The following VWC2 variants were observed in gnomAD, a reference collection of about 807,000 sequenced individuals.
VWC2 encodes von Willebrand factor C domain containing 2.
Under a neutral mutation model 29.8 loss-of-function variants are expected in VWC2, and 14 were observed. That is an observed-to-expected ratio of 0.47 (90% CI 0.31 to 0.74). VWC2 has a LOEUF of 0.74. VWC2 is among the 30% of genes least tolerant of loss of function. The pLI is 0.05. For synonymous variants in VWC2, 213 were observed against 199.0 expected, an observed-to-expected ratio of 1.07 and a Z score of -0.59; for missense variants, 457 against 459.8, an observed-to-expected ratio of 0.99 and a Z score of 0.05.
intron 3 of VWC2, among the ~76,000 whole-genome samples, chr7:49,814,519 G>T (rs1386773170): frequency 6.6e-6 from 1 of 151,992 alleles, no homozygotes; most frequent in Non-Finnish European, 1.5e-5. Flanking sequence ...CAAGCACTGG[G>T]GCAGAATCTT....
At chr7:49,854,011 A>G (rs1307652608) in intron 3 of VWC2, among the ~76,000 whole-genome samples, 1 of 152,002 alleles carries the variant, frequency 6.6e-6, no homozygotes, top group Non-Finnish European at 1.5e-5. Context: ...GATGGTTTCC[A>G]GCTTCATCCA....
rs536880676 is a variant in VWC2 at position 49,892,031 on chromosome 7, ATTTTTTTTTTTTT to A, written c.827-19984_827-19972del. ...GCAGTTGGCAGAACAGACAAAGTAG[ATTTTTTTTTTTTT>A]TTTTTTTTTTTTTTTTTTGAGACGG... On this transcript the variant is annotated intron_variant, in intron 3 of 3. Coordinates refer to ENST00000340652, the MANE Select transcript of VWC2 (RefSeq NM_198570.5). Among the ~76,000 whole-genome samples, 171 of 53,300 alleles carry A rather than the reference ATTTTTTTTTTTTT, an allele frequency of 3.2e-3. 2 individuals carry two copies. Among genetic ancestry groups the A allele is most frequent in the South Asian group, 5.3e-3 (4 of 750 alleles). 35.0% of individuals were successfully genotyped at this position (53,300 alleles called of 152,430 possible).
intron 3 of VWC2, among the ~76,000 whole-genome samples, chr7:49,833,147 G>A (rs141027172): frequency 4.7e-4 from 71 of 152,330 alleles, no homozygotes; most frequent in Non-Finnish European, 8.8e-4. Context: ...ACTGCAGGGC[G>A]TTTAGTGTCA....
rs2128747448 is a variant in VWC2, at chr7:49,921,909, T to C, written c.*9724T>C. ...TTGTATGTATTGTTGGATGGGTATG[T>C]GTATTGACCTGATTTATAAAATAAA... On this transcript the variant is annotated 3_prime_UTR_variant, in exon 4 of 4. Transcript: ENST00000340652. 6.6e-6 allele frequency: 1 copy of C among 152,302 alleles called. No homozygotes were observed. Among genetic ancestry groups the C allele is most frequent in the Non-Finnish European group, 1.5e-5 (1 of 68,012 alleles). The allele number at this position is 152,302 out of a possible 1,614,324, so 9.4% of individuals were successfully genotyped here.
intron 3 of VWC2, among the ~76,000 whole-genome samples, chr7:49,852,870 T>C (rs1790239830): frequency 6.6e-6 from 1 of 152,190 alleles, no homozygotes; most frequent in South Asian, 2.1e-4. Flanking sequence ...CAGTTGCAGA[T>C]GGAAACTGGC....
intron 2 of VWC2, among the ~76,000 whole-genome samples, chr7:49,789,352 G>T (rs13438665): frequency 8.7e-5 from 13 of 149,544 alleles, no homozygotes; most frequent in Admixed American, 2.0e-4. Context: ...TGTATATGTG[G>T]CTGTGTGTGT....
intron 2 of VWC2, among the ~76,000 whole-genome samples, chr7:49,777,731 T>C (rs1336380694): frequency 6.6e-6 from 1 of 152,008 alleles, no homozygotes; most frequent in Non-Finnish European, 1.5e-5. Flanking sequence ...TACGGGAGGG[T>C]CTGGTAGATA....
At chr7:49,834,050 C>A (rs1220496001) in intron 3 of VWC2, among the ~76,000 whole-genome samples, 1 of 152,148 alleles carries the variant, frequency 6.6e-6, no homozygotes, top group Non-Finnish European at 1.5e-5. Context: ...TGATTTCATA[C>A]CATGGGAAGC....
At chr7:49,783,304 A>G (rs1788218176) in intron 2 of VWC2, among the ~76,000 whole-genome samples, 2 of 152,090 alleles carry the variant, frequency 1.3e-5, no homozygotes, top group African/African-American at 4.8e-5. Flanking sequence ...AGGCACTGTG[A>G]GAGCTTGGGT....
chr7:49,822,820 A>G (rs1789293140), intron 3 of VWC2, among the ~76,000 whole-genome samples: 1 of 152,050 alleles, frequency 6.6e-6, no homozygotes, highest in African/African-American at 2.4e-5. Context: ...TTTGAGGCTC[A>G]CCTATGTTGT....
chr7:49,894,418 C>A (rs1387406984), intron 3 of VWC2, among the ~76,000 whole-genome samples: 1 of 152,244 alleles, frequency 6.6e-6, no homozygotes, highest in Non-Finnish European at 1.5e-5. Context: ...CAGGCATGAG[C>A]CACTGCACCT....
intron 2 of VWC2, among the ~76,000 whole-genome samples, chr7:49,786,999 T>C (rs1440975136): frequency 6.6e-6 from 1 of 152,188 alleles, no homozygotes; most frequent in East Asian, 1.9e-4. Context: ...AGAAAACAGG[T>C]ACTGGGAGCC....
chr7:49,905,777 A>C (rs1046076834), intron 3 of VWC2, among the ~76,000 whole-genome samples: 1 of 152,206 alleles, frequency 6.6e-6, no homozygotes, highest in South Asian at 2.1e-4. Context: ...CGCAAGAAAG[A>C]GGTCGGCTCA....
At chr7:49,872,655 C>T (rs1046614536) in intron 3 of VWC2, among the ~76,000 whole-genome samples, 1 of 151,024 alleles carries the variant, frequency 6.6e-6, no homozygotes, top group Non-Finnish European at 1.5e-5. Context: ...CCTGTAATCC[C>T]AGCTCTTTGG....
intron 3 of VWC2, among the ~76,000 whole-genome samples, chr7:49,895,967 T>A (rs1361878969): frequency 3.3e-5 from 5 of 152,160 alleles, no homozygotes; most frequent in Non-Finnish European, 7.3e-5. Context: ...CACCAGGTAG[T>A]CATGAGTGAT....
At chr7:49,889,301 G>C (rs1792030951) in intron 3 of VWC2, among the ~76,000 whole-genome samples, 1 of 152,172 alleles carries the variant, frequency 6.6e-6, no homozygotes, top group Admixed American at 6.5e-5. Flanking sequence ...CTATTGTGAA[G>C]GTTAAACTTG....
chr7:49,850,647 G>A (rs1288599414), intron 3 of VWC2: 2 of 152,210 alleles, frequency 1.3e-5, no homozygotes, highest in African/African-American at 4.8e-5. Flanking sequence ...TCAACTGTTT[G>A]TGATTAGGAG....
In VWC2 at chr7:49,912,166, A is replaced by C; in HGVS notation, c.959A>C (p.His320Pro). 1 of 1,614,070 alleles carries C rather than the reference A, an allele frequency of 6.2e-7. No homozygotes were observed. Among genetic ancestry groups the C allele is most frequent in the South Asian group, 1.1e-5 (1 of 91,074 alleles). The part of the protein sequence containing the change: ...RIERQAMCTR[H>P]ECRQM ...GAGCGGCAGGCCATGTGCACGAGAC[A>C]TGAATGCAGGCAAATGTAGACGCTT... is the stretch of plus-strand genomic sequence containing the variant. The change falls in exon 4 of 4, where the codon CAT becomes CCT. Residue 320 changes from histidine (H) to proline (P), a missense_variant. Coordinates refer to ENST00000340652, the MANE Select transcript of VWC2 (RefSeq NM_198570.5).
chr7:49,775,733 C>A lies in VWC2; in HGVS notation c.298C>A (p.Gln100Lys), dbSNP rs2128700385. Residue 100 changes from glutamine to lysine, a missense_variant, in exon 2 of 4, where the codon CAG becomes AAG. By Grantham distance (53) the Gln-to-Lys change is moderately conservative. Transcript: ENST00000340652. ...WSKLKQAWVSQGGGAKAGDLQ... is the reference protein window; with the variant it reads ...WSKLKQAWVSKGGGAKAGDLQ... ...CAAGCTGAAGCAGGCCTGGGTCTCC[C>A]AGGGCGGGGGCGCCAAGGCCGGGGA... The A allele has an allele frequency of 6.6e-7, 1 of 1,514,582 alleles. No individual in the cohort carries two copies. Among genetic ancestry groups the A allele is most frequent in the Non-Finnish European group, 8.8e-7 (1 of 1,134,346 alleles). The allele number at this position is 1,514,582 out of a possible 1,614,324, so 93.8% of individuals were successfully genotyped here. A position where few individuals can be genotyped will look rare whatever the true frequency, so the allele number is the denominator to read the frequency against.
Sources: gnomAD v4.1 joint callset for allele counts (sites outside exome capture counted in the v4.1 genomes callset) on GRCh38, gnomAD v4.1.1 for gene constraint, MANE v1.5 for transcripts, NCBI Gene and HGNC (gene_info 2026-07-23, HGNC 2026-07-21) for gene names.